LRRC4C: variants seen among roughly 807,000 people sequenced by gnomAD.
LRRC4C encodes leucine-rich repeat-containing protein 4C.
Under a neutral mutation model 33.6 loss-of-function variants are expected in LRRC4C, and 5 were observed. The observed-to-expected ratio is 0.15, with a 90% CI of 0.08 to 0.31. The LOEUF (loss-of-function observed/expected upper bound fraction) is 0.31. LRRC4C is among the 10% of genes least tolerant of loss of function. The pLI is 1.00. For missense variants in LRRC4C, 560 were observed against 796.7 expected (o/e 0.70, Z 3.58); for synonymous variants, 329 against 302.0 (o/e 1.09, Z -0.93).
At chr11:40,602,949 G>T (rs1354313947) in intron 3 of LRRC4C, among the ~76,000 whole-genome samples, 1 of 152,040 alleles carries the variant, frequency 6.6e-6, no homozygotes, top group Non-Finnish European at 1.5e-5. Flanking sequence ...GACTTCCCAG[G>T]AAGTAATAGT....
chr11:40,471,285 A>G (rs1156246160), intron 3 of LRRC4C, among the ~76,000 whole-genome samples: 1 of 152,182 alleles, frequency 6.6e-6, no homozygotes, highest in Non-Finnish European at 1.5e-5. Context: ...CAGCCAAACT[A>G]AACTTCATAA....
intron 4 of LRRC4C, among the ~76,000 whole-genome samples, chr11:40,284,763 T>G (rs1590908993): frequency 6.6e-6 from 1 of 152,186 alleles, no homozygotes; most frequent in Non-Finnish European, 1.5e-5. Context: ...AATATCCAAG[T>G]TTTTATTTTT....
chr11:40,564,074 CT>C (rs1201688292), intron 3 of LRRC4C, among the ~76,000 whole-genome samples: 2 of 152,164 alleles, frequency 1.3e-5, no homozygotes, highest in Non-Finnish European at 2.9e-5. Flanking sequence ...CAGAAGAGAA[CT>C]CCTGGGATTG....
chr11:40,616,872 G>A (rs1372412333), intron 3 of LRRC4C, among the ~76,000 whole-genome samples: 4 of 149,380 alleles, frequency 2.7e-5, no homozygotes, highest in Non-Finnish European at 5.9e-5. Flanking sequence ...TAACAAACCT[G>A]CACATTGTGC....
intron 2 of LRRC4C, among the ~76,000 whole-genome samples, chr11:40,861,311 A>G (rs1305738419): frequency 1.3e-5 from 2 of 152,194 alleles, no homozygotes; most frequent in Non-Finnish European, 2.9e-5. Flanking sequence ...AGCTCCAAGG[A>G]GACCTGGGAA....
intron 3 of LRRC4C, among the ~76,000 whole-genome samples, chr11:40,366,384 A>G (rs1282761354): frequency 6.6e-6 from 1 of 152,074 alleles, no homozygotes; most frequent in Non-Finnish European, 1.5e-5. Flanking sequence ...ATTGTCAGCC[A>G]GCATTTCAAG....
chr11:40,856,267 A>C (rs1953776704), intron 2 of LRRC4C, among the ~76,000 whole-genome samples: 1 of 152,214 alleles, frequency 6.6e-6, no homozygotes, highest in Non-Finnish European at 1.5e-5. Flanking sequence ...GTTTGGATAC[A>C]TAGCTACATA....
intron 6 of LRRC4C, among the ~76,000 whole-genome samples, chr11:40,123,197 TG>T (rs1254275871): frequency 2.0e-5 from 3 of 152,150 alleles, no homozygotes; most frequent in Non-Finnish European, 2.9e-5. Context: ...TGGGCATGGC[TG>T]TGCTCCAATA....
chr11:40,468,900 A>T (rs72897064), intron 3 of LRRC4C, among the ~76,000 whole-genome samples: 1 of 152,170 alleles, frequency 6.6e-6, no homozygotes, highest in Admixed American at 6.5e-5. Context: ...GACTAAAAAA[A>T]GTAATATTAT....
In LRRC4C at chr11:40,116,016, C is replaced by G; in HGVS notation, c.277G>C (p.Val93Leu). The G allele has an allele frequency of 6.2e-7, 1 of 1,614,114 alleles. No individual in the cohort carries two copies. Among genetic ancestry groups the G allele is most frequent in the Non-Finnish European group, 8.5e-7 (1 of 1,180,026 alleles). ...LHENQIQIIKVNSFKHLRHLE... is the reference protein window; with the variant it reads ...LHENQIQIIKLNSFKHLRHLE... ...TGTCTCAAGTGCTTGAAGCTGTTCA[C>G]TTTGATGATCTGGATTTGGTTCTCA... Residue 93 changes from valine (V) to leucine (L), a missense_variant, in exon 7 of 7, where the codon GTG becomes CTG. Around this residue, in one of 3 missense-constraint regions of LRRC4C, gnomAD observed 455 missense variants for 643.8 expected, o/e 0.71. Coordinates refer to ENST00000528697, the MANE Select transcript of LRRC4C (RefSeq NM_001258419.2).
At chr11:40,615,823 G>A (rs1016100089) in intron 3 of LRRC4C, among the ~76,000 whole-genome samples, 5 of 151,672 alleles carry the variant, frequency 3.3e-5, no homozygotes, top group Non-Finnish European at 7.4e-5. Context: ...ATATTTGTCA[G>A]GAAATGTTTT....
At chr11:40,622,515 G>T (rs1483960382) in intron 3 of LRRC4C, among the ~76,000 whole-genome samples, 2 of 151,888 alleles carry the variant, frequency 1.3e-5, no homozygotes, top group African/African-American at 4.8e-5. Flanking sequence ...ATGAGTGTGA[G>T]AGTCAAGCCG....
chr11:41,128,872 G>A (rs559405979), intron 1 of LRRC4C, among the ~76,000 whole-genome samples: 20 of 151,954 alleles, frequency 1.3e-4, no homozygotes, highest in African/African-American at 4.8e-4. Context: ...ATATCTATCT[G>A]TACTATTATT....
intron 3 of LRRC4C, among the ~76,000 whole-genome samples, chr11:40,599,085 A>G (rs1248723412): frequency 2.0e-5 from 3 of 152,030 alleles, no homozygotes; most frequent in African/African-American, 7.2e-5. Context: ...TACCTGTAAA[A>G]CTTTCCCTTC....
At chr11:41,065,590 G>T (rs1938170925) in intron 1 of LRRC4C, among the ~76,000 whole-genome samples, 2 of 152,144 alleles carry the variant, frequency 1.3e-5, no homozygotes, top group African/African-American at 4.8e-5. Flanking sequence ...CTCCTCAAGT[G>T]GGTCCCTGAC....
At chr11:40,117,226 T>C (rs550148907) in intron 6 of LRRC4C, among the ~76,000 whole-genome samples, 1 of 152,328 alleles carries the variant, frequency 6.6e-6, no homozygotes, top group Admixed American at 6.5e-5. Flanking sequence ...TCACAATTTC[T>C]TTAAAATACC....
chr11:41,040,137 C>CA (rs5791415), intron 1 of LRRC4C, among the ~76,000 whole-genome samples: 16,115 of 96,146 alleles, frequency 0.17, 1,238 homozygotes, highest in Middle Eastern at 0.24. Flanking sequence ...GACTCTGTCT[C>CA]AAAAAAAAAA....
Position 40,924,466 on chromosome 11 carries a change from G to T in LRRC4C, c.-407+9169C>A, listed in dbSNP as rs1050074023. On this transcript the variant is annotated intron_variant, in intron 2 of 6. Coordinates refer to ENST00000528697, the MANE Select transcript of LRRC4C (RefSeq NM_001258419.2). ...CTAGTAGTCTGGGCAACAACATAAA[G>T]AATCTACTGGAATCAAATAGGTAAG... is the stretch of plus-strand genomic sequence containing the variant. Among the ~76,000 whole-genome samples, 3 of 151,714 alleles carry T rather than the reference G, an allele frequency of 2.0e-5. No homozygotes were observed. In the South Asian group the frequency reaches 6.2e-4, roughly 32 times the overall value.
At chr11:41,298,156 G>C (rs966537383) in intron 1 of LRRC4C, among the ~76,000 whole-genome samples, 1 of 152,142 alleles carries the variant, frequency 6.6e-6, no homozygotes, top group Non-Finnish European at 1.5e-5. Context: ...CCATCTTCCT[G>C]CTCAGCAGTT....
Sources: gnomAD v4.1 joint callset for allele counts (sites outside exome capture counted in the v4.1 genomes callset) on GRCh38, gnomAD v4.1.1 for gene constraint, gnomAD v4.1.1 regional missense constraint, MANE v1.5 for transcripts, NCBI Gene and HGNC (gene_info 2026-07-23, HGNC 2026-07-21) for gene names.